DHX15: variants seen among roughly 807,000 people sequenced by gnomAD.
DHX15 encodes the protein DEAH-box helicase 15.
Under a neutral mutation model 94.4 loss-of-function variants are expected in DHX15, and 11 were observed. That is an observed-to-expected ratio of 0.12 (90% CI 0.07 to 0.19). DHX15 has a LOEUF of 0.19. Among genes scored for constraint, DHX15 ranks in the 10% least tolerant of loss-of-function variants. The pLI, the probability that DHX15 is intolerant of heterozygous loss-of-function variation, is 1.00. For synonymous variants in DHX15, 338 were observed against 329.9 expected, an observed-to-expected ratio of 1.02 and a Z score of -0.27; for missense variants, 304 against 988.5, an observed-to-expected ratio of 0.31 and a Z score of 9.29.
At chr4:24,536,935 C>T (rs372348928) in intron 11 of DHX15, 116 bp downstream of exon 11, 12 of 1,228,386 alleles carry the variant, frequency 9.8e-6, no homozygotes, top group African/African-American at 9.3e-5. Context: ...TCAAAAGTAC[C>T]TCTGGGTTTC....
chr4:24,567,503 C>T (rs10938998), intron 3 of DHX15, among the ~76,000 whole-genome samples: 53,374 of 150,608 alleles, frequency 0.35, 9,691 homozygotes, highest in South Asian at 0.48. Context: ...CTTGAACCCG[C>T]GAGGTGGAGG....
chr4:24,547,601 A>G (rs1304988512), intron 6 of DHX15, among the ~76,000 whole-genome samples: 1 of 152,076 alleles, frequency 6.6e-6, no homozygotes, highest in Non-Finnish European at 1.5e-5. Flanking sequence ...AACGTTTTAA[A>G]AATAAAACAA....
In DHX15 at chr4:24,539,996, A is replaced by T. The variant is rs1721276583; in HGVS notation, c.1786+112T>A. ...TTTAGAAAACAAAATTAATTCCTTA[A>T]AACCATCTATAAAATCCACTATCAT... On this transcript the variant is annotated intron_variant, in intron 10 of 13. Coordinates refer to ENST00000336812, the MANE Select transcript of DHX15 (RefSeq NM_001358.3). 5.4e-6 allele frequency: 4 copies of T among 736,006 alleles called. No individual in the cohort carries two copies. The South Asian group carries it at 1.2e-4, about 23-fold the overall frequency. The allele number at this position is 736,006 out of a possible 1,614,324, so 45.6% of individuals were successfully genotyped here. A position where few individuals can be genotyped will look rare whatever the true frequency, so the allele number is the denominator to read the frequency against.
intron 3 of DHX15, among the ~76,000 whole-genome samples, chr4:24,557,107 G>A (rs1721755977): frequency 6.6e-6 from 1 of 152,170 alleles, no homozygotes; most frequent in Non-Finnish European, 1.5e-5. Flanking sequence ...CTCAAGTGAA[G>A]GCTGCTAATA....
At chr4:24,579,267 GAC>G (rs1722351121) in intron 1 of DHX15, among the ~76,000 whole-genome samples, 1 of 152,176 alleles carries the variant, frequency 6.6e-6, no homozygotes, top group Non-Finnish European at 1.5e-5. Context: ...GGCAAATTCA[GAC>G]ACCTGGAAAT....
chr4:24,572,393 T>C (rs1438778138), intron 2 of DHX15, among the ~76,000 whole-genome samples: 1 of 152,034 alleles, frequency 6.6e-6, no homozygotes, highest in African/African-American at 2.4e-5. Context: ...GCCTCAGCCT[T>C]CCAAAGTGCT....
intron 3 of DHX15, among the ~76,000 whole-genome samples, chr4:24,565,185 T>C (rs1043775483): frequency 1.3e-5 from 2 of 152,258 alleles, no homozygotes; most frequent in South Asian, 4.1e-4. Flanking sequence ...ATATTGGCAC[T>C]GTATAAACAA....
Position 24,533,057 on chromosome 4 carries a change from A to G in DHX15, c.1910-3T>C, listed in dbSNP as rs367938360. The G allele has an allele frequency of 8.1e-6, 13 of 1,613,078 alleles. No homozygotes were observed. In the African/African-American group the frequency reaches 1.7e-4, roughly 22 times the overall value. On this transcript the variant is annotated splice_polypyrimidine_tract_variant and splice_region_variant and intron_variant, in intron 11 of 13. Transcript: ENST00000336812. ...ACACCACTGAACCGATTCATGATCTAAAAAGGTAGAAGGCGGGGAGAAAAG... is the reference window on the plus strand; with the variant it reads ...ACACCACTGAACCGATTCATGATCTGAAAAGGTAGAAGGCGGGGAGAAAAG...
chr4:24,584,128 T>A lies in DHX15; in HGVS notation c.71+195A>T, dbSNP rs548733146. ...CGGACTGGGCTGGGCAGCGGCCCCG[T>A]CGCACGCAACCCCCCGCGCCCTTGC... On this transcript the variant is annotated intron_variant, in intron 1 of 13. Transcript: ENST00000336812. 117 of 593,798 alleles carry A rather than the reference T, an allele frequency of 2.0e-4. 2 individuals are homozygous for A. In the South Asian group the frequency reaches 2.3e-3, roughly 12 times the overall value. The allele number at this position is 593,798 out of a possible 1,614,324, so 36.8% of individuals were successfully genotyped here. A position where few individuals can be genotyped will look rare whatever the true frequency, so the allele number is the denominator to read the frequency against.
At chr4:24,562,915 G>A (rs952472891) in intron 3 of DHX15, among the ~76,000 whole-genome samples, 13 of 152,076 alleles carry the variant, frequency 8.5e-5, no homozygotes, top group African/African-American at 2.9e-4. Flanking sequence ...AGATTGAACT[G>A]TCTTAAATTC....
intron 9 of DHX15, among the ~76,000 whole-genome samples, chr4:24,540,620 C>G (rs535697641): frequency 4.8e-5 from 7 of 146,944 alleles, no homozygotes; most frequent in African/African-American, 1.7e-4. Flanking sequence ...TCAATTTACC[C>G]AAACCCCCCC....
intron 2 of DHX15, among the ~76,000 whole-genome samples, chr4:24,575,424 T>TAATTATAAG (rs1246421505): frequency 2.0e-5 from 3 of 152,218 alleles, no homozygotes; most frequent in African/African-American, 7.2e-5. Flanking sequence ...GGTTCAGGCT[T>TAATTATAAG]AAGTGTATAA....
At chr4:24,560,880 A>G (rs1010556472) in intron 3 of DHX15, among the ~76,000 whole-genome samples, 1 of 152,226 alleles carries the variant, frequency 6.6e-6, no homozygotes, top group African/African-American at 2.4e-5. Flanking sequence ...AAAACCATAA[A>G]GTAATCCCAT....
At chr4:24,564,594 G>A (rs568931233) in intron 3 of DHX15, among the ~76,000 whole-genome samples, 172 of 152,292 alleles carry the variant, frequency 1.1e-3, no homozygotes, top group Middle Eastern at 3.4e-3. Context: ...AACCAAGTCA[G>A]TGAAGAGCCA....
intron 3 of DHX15, among the ~76,000 whole-genome samples, chr4:24,566,403 T>C (rs990748935): frequency 1.3e-5 from 2 of 152,328 alleles, no homozygotes; most frequent in East Asian, 1.9e-4. Flanking sequence ...GTAGTCTTTA[T>C]ACAGTTGGTG....
At chr4:24,550,435 C>T (rs923397480) in intron 5 of DHX15, among the ~76,000 whole-genome samples, 13 of 152,176 alleles carry the variant, frequency 8.5e-5, no homozygotes, top group African/African-American at 2.9e-4. Context: ...ACAAACACAC[C>T]GTATGGCTGT....
In DHX15 at chr4:24,584,335, G is replaced by C; in HGVS notation, c.59C>G (p.Ala20Gly). The C allele has an allele frequency of 6.2e-7, 1 of 1,612,514 alleles. No homozygotes were observed. Among genetic ancestry groups the C allele is most frequent in the Non-Finnish European group, 8.5e-7 (1 of 1,179,478 alleles). ...CGGCCTGGCTTACCCATCGGTCCCC[G>C]CACGCTTCTTGCCAGAGGGGTAATC... ...GEDYPSGKKR[A>G]GTDGKDRDRD... Residue 20 changes from alanine (A) to glycine (G), a missense_variant, in exon 1 of 14, where the codon GCG becomes GGG. By Grantham distance (60) the Ala-to-Gly change is moderately conservative (BLOSUM62 0). Coordinates refer to ENST00000336812, the MANE Select transcript of DHX15 (RefSeq NM_001358.3).
chr4:24,570,393 A>G (rs1451907709), intron 3 of DHX15, among the ~76,000 whole-genome samples: 1 of 152,144 alleles, frequency 6.6e-6, no homozygotes, highest in Non-Finnish European at 1.5e-5. Context: ...AAAACCACAC[A>G]TTTTACAGTA....
rs1035598896 is a variant in DHX15 at position 24,527,736 on chromosome 4, T to A, written c.*188A>T. 8 of 531,132 alleles carry A rather than the reference T, an allele frequency of 1.5e-5. No individual in the cohort carries two copies. The highest frequency in any genetic ancestry group is 2.0e-5 in the Non-Finnish European group (6 of 298,356). 32.9% of individuals were successfully genotyped at this position (531,132 alleles called of 1,614,324 possible). The stretch of plus-strand genomic sequence containing the variant: ...GACTTTTCCAGTATGAGCTACAGTG[T>A]CAACACAAAAGGGAGGCATAAATGT... On this transcript the variant is annotated 3_prime_UTR_variant, in exon 14 of 14. Transcript: ENST00000336812.
Sources: allele counts gnomAD v4.1 joint callset (sites outside exome capture counted in the v4.1 genomes callset), GRCh38; gene constraint gnomAD v4.1.1; transcripts MANE v1.5; gene names NCBI Gene and HGNC (gene_info 2026-07-23, HGNC 2026-07-21).